Variants in CCNY observed in about 807,000 individuals in gnomAD.
The protein encoded by CCNY is cyclin Y, also known as cyclin-Y.
A neutral mutation model predicts 42.8 loss-of-function variants in CCNY; 19 were observed. The ratio of observed to expected loss-of-function variants is 0.44; its 90% CI spans 0.31 to 0.65. The LOEUF is 0.65. Among genes scored for constraint, CCNY ranks in the 30% least tolerant of loss-of-function variants. The pLI, the probability that CCNY is intolerant of heterozygous loss-of-function variation, is 0.07. For synonymous variants in CCNY, 165 were observed against 162.7 expected (o/e 1.01, Z -0.11); for missense variants, 370 against 437.3 (o/e 0.85, Z 1.37).
chr10:35,281,801 T>A (rs1835301469), intron 3 of CCNY, among the ~76,000 whole-genome samples: 1 of 152,160 alleles, frequency 6.6e-6, no homozygotes, highest in South Asian at 2.1e-4. Flanking sequence ...ATGAGATTAT[T>A]AAAATGTTCT....
At chr10:35,465,777 G>A (rs1409624443) in intron 1 of CCNY, among the ~76,000 whole-genome samples, 3 of 152,110 alleles carry the variant, frequency 2.0e-5, no homozygotes, top group Non-Finnish European at 4.4e-5. Context: ...CGTGAGGCCC[G>A]TCGAAATCTC....
rs1332340569 is a variant in CCNY at position 35,384,004 on chromosome 10, G to A, written c.154+46797G>A. Among the ~76,000 whole-genome samples the A allele has an allele frequency of 2.0e-5, 3 of 151,826 alleles. No homozygotes were observed. In the East Asian group the frequency reaches 5.8e-4, roughly 29 times the overall value. ...CATTTCCTAAACTTAACTATGAAAT[G>A]TTCTGTTAAACACATTTTCTGATGA... On this transcript the variant is annotated intron_variant, in intron 1 of 9. Transcript: ENST00000374704.
chr10:35,389,901 T>TGGTCATGAGCATA lies in CCNY; in HGVS notation c.154+52696_154+52708dup, dbSNP rs565501511. On this transcript the variant is annotated intron_variant, in intron 1 of 9. Coordinates refer to ENST00000374704, the MANE Select transcript of CCNY (RefSeq NM_145012.6). Reference sequence around the variant, plus strand: ...CTCTCATAAAGGCATCGTCTGATATTGGTCATGAGCATAGAACAAAATGAA... The same window carrying TGGTCATGAGCATA: ...CTCTCATAAAGGCATCGTCTGATATTGGTCATGAGCATAGGTCATGAGCATAGAACAAAATGAA... Among the ~76,000 whole-genome samples the TGGTCATGAGCATA allele has an allele frequency of 6.8e-3, 1,032 of 152,340 alleles. 10 individuals carry two copies. Among genetic ancestry groups the TGGTCATGAGCATA allele is most frequent in the African/African-American group, 0.024 (986 of 41,568 alleles).
At chr10:35,486,184 ACT>A (rs1333380740) in intron 2 of CCNY, among the ~76,000 whole-genome samples, 1 of 151,004 alleles carries the variant, frequency 6.6e-6, no homozygotes, top group East Asian at 1.9e-4. Context: ...ATTTTCGTAG[ACT>A]CTCCTCTTCT....
At chr10:35,388,050 T>C (rs1195181666) in intron 1 of CCNY, among the ~76,000 whole-genome samples, 1 of 152,200 alleles carries the variant, frequency 6.6e-6, no homozygotes, top group Non-Finnish European at 1.5e-5. Context: ...TTCATGTTCC[T>C]TTAGCATTTC....
chr10:35,477,545 T>G (rs1213905938), intron 1 of CCNY, among the ~76,000 whole-genome samples: 8 of 152,002 alleles, frequency 5.3e-5, no homozygotes, highest in Non-Finnish European at 8.8e-5. Flanking sequence ...ACCACGTGAT[T>G]ATCTCAATAG....
At chr10:35,337,307 G>T in intron 1 of CCNY, 100 bp downstream of exon 1, 1 of 1,261,302 alleles carries the variant, frequency 7.9e-7, no homozygotes. Context: ...AGCCGGTCTC[G>T]GCGACCCGTG....
chr10:35,269,193 A>G (rs74135058), intron 3 of CCNY, among the ~76,000 whole-genome samples: 4,955 of 152,066 alleles, frequency 0.033, 280 homozygotes, highest in African/African-American at 0.11. Context: ...TCCTTCTGGC[A>G]TTTTACTATA....
chr10:35,378,145 T>G (rs1210386318), intron 1 of CCNY, among the ~76,000 whole-genome samples: 1 of 152,270 alleles, frequency 6.6e-6, no homozygotes, highest in Non-Finnish European at 1.5e-5. Context: ...TTTTACCACA[T>G]GCAAGATTTT....
intron 2 of CCNY, among the ~76,000 whole-genome samples, chr10:35,499,383 G>T (rs1020864155): frequency 2.6e-5 from 4 of 152,246 alleles, no homozygotes; most frequent in African/African-American, 9.6e-5. Flanking sequence ...CATGAGAACA[G>T]CATGGGAAAG....
At chr10:35,302,834 G>C (rs1835554342) in intron 3 of CCNY, among the ~76,000 whole-genome samples, 1 of 152,156 alleles carries the variant, frequency 6.6e-6, no homozygotes, top group Admixed American at 6.5e-5. Flanking sequence ...AGACATGCTA[G>C]CCTAAAAGCT....
At chr10:35,403,441 G>A (rs563486061) in intron 1 of CCNY, among the ~76,000 whole-genome samples, 12 of 152,134 alleles carry the variant, frequency 7.9e-5, no homozygotes, top group East Asian at 1.9e-4. Flanking sequence ...AAAACTGGCC[G>A]TGAGGGACAG....
intron 1 of CCNY, among the ~76,000 whole-genome samples, chr10:35,374,256 C>A (rs932344646): frequency 6.6e-6 from 1 of 152,110 alleles, no homozygotes; most frequent in African/African-American, 2.4e-5. Context: ...TGGAATGATA[C>A]CATGGGGTTA....
At position 35,336,707 on chromosome 10, in the gene CCNY, G is replaced by A. The variant is rs1009163689; in HGVS notation, c.-347G>A. ...GACACCAACTGGGGAAGCGCGGGGG[G>A]GAGGCGGCCTGCGCGGCGCCGCCCG... On this transcript the variant is annotated 5_prime_UTR_variant, in exon 1 of 10. Transcript: ENST00000374704. Among the ~76,000 whole-genome samples the A allele has an allele frequency of 6.8e-6, 1 of 147,354 alleles. No homozygotes were observed. The highest frequency in any genetic ancestry group is 1.5e-5 in the Non-Finnish European group (1 of 66,080).
intron 1 of CCNY, among the ~76,000 whole-genome samples, chr10:35,474,855 C>A (rs1327805041): frequency 2.6e-5 from 4 of 152,054 alleles, no homozygotes; most frequent in Non-Finnish European, 5.9e-5. Context: ...CTCTGAGCTA[C>A]GGGAGGACAT....
chr10:35,392,906 T>C (rs1837444258), intron 1 of CCNY, among the ~76,000 whole-genome samples: 1 of 152,188 alleles, frequency 6.6e-6, no homozygotes, highest in Non-Finnish European at 1.5e-5. Context: ...GGCCTTTTTC[T>C]TGGGTCCTGT....
At chr10:35,371,011 G>A (rs2135174324) in intron 1 of CCNY, among the ~76,000 whole-genome samples, 1 of 152,296 alleles carries the variant, frequency 6.6e-6, no homozygotes, top group South Asian at 2.1e-4. Flanking sequence ...CACTGCACCT[G>A]GCCAGGTTAA....
At chr10:35,346,335 C>G (rs934500539) in intron 1 of CCNY, among the ~76,000 whole-genome samples, 3 of 152,108 alleles carry the variant, frequency 2.0e-5, no homozygotes, top group African/African-American at 7.2e-5. Flanking sequence ...CTCTCTGTCT[C>G]CCTTTACTTT....
At chr10:35,515,927 T>C (rs988538901) in intron 3 of CCNY, among the ~76,000 whole-genome samples, 1 of 152,206 alleles carries the variant, frequency 6.6e-6, no homozygotes, top group Non-Finnish European at 1.5e-5. Flanking sequence ...GGTCATTCAT[T>C]GGTTGTATTT....
Sources: allele counts gnomAD v4.1 joint callset (sites outside exome capture counted in the v4.1 genomes callset), GRCh38; gene constraint gnomAD v4.1.1; transcripts MANE v1.5; gene names NCBI Gene and HGNC (gene_info 2026-07-23, HGNC 2026-07-21).